NLGN1: variants seen among roughly 807,000 people sequenced by gnomAD.
NLGN1 encodes neuroligin 1.
In NLGN1, 12 loss-of-function variants were observed where a neutral mutation model predicts 65.5. The ratio of observed to expected loss-of-function variants is 0.18; its 90% confidence interval spans 0.12 to 0.30. NLGN1 has a LOEUF of 0.30. NLGN1 is among the 10% of genes least tolerant of loss of function. NLGN1 has a pLI of 1.00. For synonymous variants in NLGN1, 350 were observed against 359.5 expected (o/e 0.97, Z 0.30); for missense variants, 750 against 1,007.1 (o/e 0.74, Z 3.46).
At chr3:174,244,020 C>A (rs1399990020) in intron 4 of NLGN1, among the ~76,000 whole-genome samples, 1 of 152,176 alleles carries the variant, frequency 6.6e-6, no homozygotes. Flanking sequence ...ATTTGCTTTA[C>A]TTCTGATTCA....
chr3:173,830,010 G>GTTGGC (rs76306125), intron 4 of NLGN1, among the ~76,000 whole-genome samples: 2 of 139,244 alleles, frequency 1.4e-5, no homozygotes, highest in South Asian at 2.2e-4. Flanking sequence ...GGTAGTGTGG[G>GTTGGC]GGGGGGAGGG....
intron 2 of NLGN1, among the ~76,000 whole-genome samples, chr3:173,576,035 G>A (rs1398842686): frequency 1.3e-5 from 2 of 152,054 alleles, no homozygotes; most frequent in Non-Finnish European, 1.5e-5. Context: ...AAGTTGAGAT[G>A]TACTCTAAAT....
rs1280654210 is a variant in NLGN1 at position 173,607,495 on chromosome 3, G to A, written c.493+2404G>A. 2.0e-5 allele frequency among the ~76,000 whole-genome samples: 3 copies of A among 151,372 alleles called. No homozygotes were observed. In the East Asian group the frequency reaches 5.8e-4, roughly 29 times the overall value. On this transcript the variant is annotated intron_variant, in intron 3 of 6. Coordinates refer to ENST00000457714, the Ensembl canonical transcript of NLGN1. ...AGTCTAAATAACAAAAATTTTTGATGTAATTTTATTATATAAATAGTATTT... is the reference window on the plus strand; with the variant it reads ...AGTCTAAATAACAAAAATTTTTGATATAATTTTATTATATAAATAGTATTT...
rs181007313 is a variant in NLGN1, at chr3:173,666,481, A to G, written c.493+61390A>G. Among the ~76,000 whole-genome samples the G allele has an allele frequency of 2.0e-5, 3 of 152,264 alleles. No homozygotes were observed. In the East Asian group the frequency reaches 5.8e-4, roughly 29 times the overall value. On this transcript the variant is annotated intron_variant, in intron 3 of 6. Transcript: ENST00000457714. ...TAATGTATTGGTGTTAAAACAAGTT[A>G]TTGTTTTTGAAGGGAAATTGTGTTG...
chr3:174,289,913 A>G (rs1392289931), downstream of NLGN1, among the ~76,000 whole-genome samples: 1 of 142,100 alleles, frequency 7.0e-6, no homozygotes, highest in African/African-American at 2.6e-5. Context: ...ATATATATGT[A>G]TGTATATATA....
chr3:173,492,964 C>T (rs1263320491), intron 2 of NLGN1, among the ~76,000 whole-genome samples: 1 of 151,728 alleles, frequency 6.6e-6, no homozygotes, highest in Non-Finnish European at 1.5e-5. Flanking sequence ...AGTCTATCCT[C>T]TAGCTCCAGG....
At chr3:174,083,161 T>C (rs558502503) in intron 4 of NLGN1, among the ~76,000 whole-genome samples, 1 of 152,292 alleles carries the variant, frequency 6.6e-6, no homozygotes, top group Non-Finnish European at 1.5e-5. Flanking sequence ...ATGACATGTA[T>C]AGTAGATGAA....
rs114699737 is a variant in NLGN1 at position 173,592,503 on chromosome 3, C to T, written c.-320-11776C>T. On this transcript the variant is annotated intron_variant, in intron 2 of 6. Coordinates refer to ENST00000457714, the Ensembl canonical transcript of NLGN1. ...CAGTCTACATGGATATCTATGCACA[C>T]GCCTACATGATGAGAAATTTCCATT... 3.9e-5 allele frequency among the ~76,000 whole-genome samples: 6 copies of T among 152,228 alleles called. No homozygotes were observed. In the East Asian group the frequency reaches 7.7e-4, roughly 20 times the overall value.
chr3:173,689,683 A>G (rs1329576535), intron 3 of NLGN1, among the ~76,000 whole-genome samples: 1 of 152,142 alleles, frequency 6.6e-6, no homozygotes, highest in Non-Finnish European at 1.5e-5. Flanking sequence ...GCTGAATTTT[A>G]TCTTGAATTA....
At chr3:173,809,628 T>A (rs937300149) in intron 4 of NLGN1, among the ~76,000 whole-genome samples, 3 of 152,186 alleles carry the variant, frequency 2.0e-5, no homozygotes, top group Non-Finnish European at 2.9e-5. Flanking sequence ...TGGTTCTGTT[T>A]ATATAAAGCA....
chr3:174,251,591 A>G (rs1004678086), intron 4 of NLGN1, among the ~76,000 whole-genome samples: 1 of 152,156 alleles, frequency 6.6e-6, no homozygotes, highest in African/African-American at 2.4e-5. Context: ...TTGCATGATG[A>G]TATTTCTTTT....
intron 3 of NLGN1, among the ~76,000 whole-genome samples, chr3:173,797,368 T>C (rs1202582988): frequency 6.6e-6 from 1 of 152,098 alleles, no homozygotes; most frequent in Non-Finnish European, 1.5e-5. Context: ...CACCCAGATA[T>C]ACTGAAATCA....
At chr3:174,198,625 A>G (rs1733878915) in intron 4 of NLGN1, among the ~76,000 whole-genome samples, 1 of 152,118 alleles carries the variant, frequency 6.6e-6, no homozygotes, top group African/African-American at 2.4e-5. Context: ...TTCAAATTTG[A>G]AAAAGAATGT....
intron 2 of NLGN1, among the ~76,000 whole-genome samples, chr3:173,596,631 G>T (rs1168810226): frequency 8.3e-6 from 1 of 120,126 alleles, no homozygotes; most frequent in Admixed American, 8.9e-5. Flanking sequence ...TGTTAATCCA[G>T]TTATTATTAC....
intron 4 of NLGN1, among the ~76,000 whole-genome samples, chr3:173,970,275 A>C (rs1293379953): frequency 6.6e-6 from 1 of 152,186 alleles, no homozygotes; most frequent in Non-Finnish European, 1.5e-5. Flanking sequence ...GAAGACTAGT[A>C]ATATTTTGTG....
At chr3:173,407,437 C>CCTT (rs1363775202) in intron 1 of NLGN1, among the ~76,000 whole-genome samples, 2 of 152,090 alleles carry the variant, frequency 1.3e-5, no homozygotes, top group Non-Finnish European at 2.9e-5. Context: ...TCACATAATG[C>CCTT]CTTCATGCAT....
At chr3:173,684,384 G>A (rs1322028385) in intron 3 of NLGN1, among the ~76,000 whole-genome samples, 1 of 152,046 alleles carries the variant, frequency 6.6e-6, no homozygotes, top group African/African-American at 2.4e-5. Context: ...CATTTGTCAA[G>A]GATAAATATG....
intron 4 of NLGN1, among the ~76,000 whole-genome samples, chr3:174,220,647 A>G (rs531530153): frequency 2.0e-4 from 30 of 152,300 alleles, no homozygotes; most frequent in Admixed American, 1.7e-3. Flanking sequence ...TCATTTTTAC[A>G]TTGATTACCT....
chr3:173,859,488 CTAGGA>C (rs1417569734), intron 4 of NLGN1, among the ~76,000 whole-genome samples: 1 of 152,018 alleles, frequency 6.6e-6, no homozygotes, highest in Non-Finnish European at 1.5e-5. Context: ...CTGTAAGAAT[CTAGGA>C]AAATATTTGT....
Sources: gnomAD v4.1 joint callset for allele counts (sites outside exome capture counted in the v4.1 genomes callset) on GRCh38, gnomAD v4.1.1 for gene constraint, MANE v1.5 for transcripts, NCBI Gene and HGNC (gene_info 2026-07-23, HGNC 2026-07-21) for gene names.